Variants in CATSPERT observed in about 807,000 individuals in gnomAD.
CATSPERT encodes the protein cation channel sperm-associated targeting subunit tau.
the CATSPERT span, chr2:201,495,890 C>G: frequency 1.3e-6 from 2 of 1,560,726 alleles, no homozygotes; most frequent in Non-Finnish European, 1.8e-6. Context: ...TAATTCAGGA[C>G]TCACCTGAAA....
chr2:201,586,125 T>A, the CATSPERT span, among the ~76,000 whole-genome samples: 2 of 152,206 alleles, frequency 1.3e-5, no homozygotes, highest in Non-Finnish European at 2.9e-5. Flanking sequence ...AACGTTTTCT[T>A]TTCTCTAGTT....
the CATSPERT span, chr2:201,535,505 T>C: frequency 2.2e-6 from 2 of 915,396 alleles, no homozygotes; most frequent in Non-Finnish European, 1.3e-6. Flanking sequence ...TATAATATAA[T>C]AGTTTTATTA....
At chr2:201,604,814 G>A in the CATSPERT span, 4 of 533,070 alleles carry the variant, frequency 7.5e-6, no homozygotes, top group South Asian at 3.9e-5. Flanking sequence ...TCGGTATTGG[G>A]GTATTAATAT....
At chr2:201,537,316 T>G in the CATSPERT span, 8 of 784,520 alleles carry the variant, frequency 1.0e-5, no homozygotes, top group East Asian at 2.2e-4. Context: ...ATAGAAACCA[T>G]AAAACAACTG....
the CATSPERT span, among the ~76,000 whole-genome samples, chr2:201,596,123 C>T: frequency 5.3e-5 from 8 of 152,236 alleles, no homozygotes; most frequent in Admixed American, 1.3e-4. Flanking sequence ...AATACATGCA[C>T]GTATATGCTC....
the CATSPERT span, among the ~76,000 whole-genome samples, chr2:201,595,430 C>T: frequency 2.3e-4 from 35 of 152,092 alleles, no homozygotes; most frequent in African/African-American, 7.2e-4. Flanking sequence ...CCTCGTGATC[C>T]GCCCGCCTCG....
At chr2:201,547,353 G>A in the CATSPERT span, 5 of 478,746 alleles carry the variant, frequency 1.0e-5, no homozygotes, top group Non-Finnish European at 1.8e-5. Context: ...TCATTGAATG[G>A]CACATTATCA....
chr2:201,510,722 ATAGAT>A, the CATSPERT span, among the ~76,000 whole-genome samples: 1 of 152,202 alleles, frequency 6.6e-6, no homozygotes, highest in Non-Finnish European at 1.5e-5. Flanking sequence ...AAAATCATAG[ATAGAT>A]TAAATAGTTA....
chr2:201,559,406 A>C, the CATSPERT span, among the ~76,000 whole-genome samples: 1 of 152,120 alleles, frequency 6.6e-6, no homozygotes, highest in Non-Finnish European at 1.5e-5. Context: ...CTGTGCCCCC[A>C]CATCTCAGGC....
At chr2:201,539,155 G>T in the CATSPERT span, among the ~76,000 whole-genome samples, 208 of 152,216 alleles carry the variant, frequency 1.4e-3, 3 homozygotes, top group East Asian at 0.036. Context: ...ATAAAAGAAT[G>T]ATTTATATTC....
At chr2:201,595,284 G>A in the CATSPERT span, among the ~76,000 whole-genome samples, 1 of 151,234 alleles carries the variant, frequency 6.6e-6, no homozygotes, top group Non-Finnish European at 1.5e-5. Context: ...CGCCTCCCGG[G>A]TTCACGCCAT....
the CATSPERT span, chr2:201,487,701 C>A: frequency 6.2e-7 from 1 of 1,614,068 alleles, no homozygotes; most frequent in Non-Finnish European, 8.5e-7. Flanking sequence ...CCTGATGAAA[C>A]CATTCGACGA....
At chr2:201,537,348 CTCTA>C in the CATSPERT span, 2 of 1,145,170 alleles carry the variant, frequency 1.7e-6, no homozygotes, top group Non-Finnish European at 1.2e-6. Flanking sequence ...GGATGCCTTT[CTCTA>C]TCTATAAATA....
At chr2:201,493,248 C>A in the CATSPERT span, 1 of 1,536,636 alleles carries the variant, frequency 6.5e-7, no homozygotes, top group Non-Finnish European at 8.7e-7. Context: ...CATTTCTTGG[C>A]AAATACAGTT....
chr2:201,592,757 G>C, the CATSPERT span, among the ~76,000 whole-genome samples: 2 of 152,172 alleles, frequency 1.3e-5, no homozygotes, highest in Non-Finnish European at 1.5e-5. Flanking sequence ...AGATTTTCTA[G>C]TTTATTTGCA....
At chr2:201,613,486 G>A in the CATSPERT span, among the ~76,000 whole-genome samples, 4 of 152,108 alleles carry the variant, frequency 2.6e-5, no homozygotes, top group Non-Finnish European at 5.9e-5. Flanking sequence ...TGCAGCTGAC[G>A]GTCCTGACTG....
chr2:201,575,366 A>T, the CATSPERT span: 1 of 1,511,500 alleles, frequency 6.6e-7, no homozygotes, highest in Non-Finnish European at 9.0e-7. Context: ...AGAATTACCC[A>T]TGTATTTCCC....
At chr2:201,545,443 A>T in the CATSPERT span, 1 of 788,030 alleles carries the variant, frequency 1.3e-6, no homozygotes, top group Non-Finnish European at 2.0e-6. Context: ...TCCTAACAAA[A>T]CAGAAATCTA....
chr2:201,516,976 A>G, the CATSPERT span, among the ~76,000 whole-genome samples: 1 of 143,754 alleles, frequency 7.0e-6, no homozygotes, highest in Non-Finnish European at 1.5e-5. Flanking sequence ...GATTGGTACT[A>G]CCTCCTCCCG....
Sources: allele counts gnomAD v4.1 joint callset (sites outside exome capture counted in the v4.1 genomes callset), GRCh38; gene constraint gnomAD v4.1.1; transcripts MANE v1.5; gene names NCBI Gene and HGNC (gene_info 2026-07-23, HGNC 2026-07-21).